TTN: variants seen among roughly 807,000 people sequenced by gnomAD.
The protein encoded by TTN is titin.
In TTN, 1,525 loss-of-function variants were observed where a neutral mutation model predicts 3,223.0. The ratio of observed to expected loss-of-function variants is 0.47; its 90% confidence interval spans 0.45 to 0.49. TTN has a LOEUF of 0.49. TTN is among the 20% of genes least tolerant of loss of function. The pLI is 0.00. For missense variants in TTN, 40,786 were observed against 43,424.0 expected, an observed-to-expected ratio of 0.94 and a Z score of 5.40; for synonymous variants, 14,094 against 15,161.0, an observed-to-expected ratio of 0.93 and a Z score of 5.17.
chr2:178,687,599 A>G (rs564552140), intron 127 of TTN, among the ~76,000 whole-genome samples: 1 of 152,304 alleles, frequency 6.6e-6, no homozygotes, highest in South Asian at 2.1e-4. Flanking sequence ...AAACATTTTA[A>G]GACATTATAG....
At chr2:178,647,174 C>G (rs1205019129) in intron 214 of TTN, 30 bp from the exon 215 acceptor site, 1 of 1,302,272 alleles carries the variant, frequency 7.7e-7, no homozygotes, top group East Asian at 2.6e-5. Flanking sequence ...TTATTTTAGA[C>G]TATATTTAGA....
rs2092854046 is a variant in TTN, at chr2:178,782,331, T to C, written c.3261A>G (p.Lys1087=). The part of the protein sequence containing the change: ...GEPAAPYFIT[K]PVVQKLVEGG... ...CTTCCACCAGTTTCTGGACCACTGG[T>C]TTTGTAATAAAGTAAGGCGCGGCAG... The change falls in exon 20 of 363, where the codon AAA becomes AAG. Residue 1087 remains lysine (K), a synonymous_variant. Coordinates refer to ENST00000589042, the MANE Select transcript of TTN (RefSeq NM_001267550.2). 1 of 1,613,930 alleles carries C rather than the reference T, an allele frequency of 6.2e-7. No individual in the cohort carries two copies. The highest frequency in any genetic ancestry group is 1.1e-5 in the South Asian group (1 of 91,074).
At chr2:178,702,431 T>C (rs777208227) in intron 107 of TTN, 23 bp downstream of exon 107, 4 of 1,613,192 alleles carry the variant, frequency 2.5e-6, no homozygotes, top group South Asian at 1.1e-5. Context: ...ATACATTCAC[T>C]GGAAAACTGT....
rs1178136076 is a variant in TTN at position 178,735,688 on chromosome 2, T to C, written c.14758A>G (p.Thr4920Ala). ...AGTTTTTGCCCATCTTTGCTCCACG[T>C]AACTGTGACTTTTCTGTCTTCATCT... ...QVDEDRKVTVTWSKDGQKLPP... is the reference protein window; with the variant it reads ...QVDEDRKVTVAWSKDGQKLPP... The change falls in exon 50 of 363, where the codon ACG becomes GCG. Residue 4920 changes from threonine to alanine, a missense_variant. Physicochemically the swap from Thr to Ala is moderately conservative, Grantham distance 58. Transcript: ENST00000589042. The C allele has an allele frequency of 6.2e-7, 1 of 1,613,854 alleles. No individual in the cohort carries two copies. The highest frequency in any genetic ancestry group is 1.7e-5 in the Admixed American group (1 of 60,004).
Position 178,672,260 on chromosome 2 carries a change from A to C in TTN, c.34938T>G (p.Thr11646=), listed in dbSNP as rs1369494689. The stretch of plus-strand genomic sequence containing the variant: ...CAACTGATACTTTTTCTTCAAGGAC[A>C]GTTCTCCCTGAAAGAGCATCTATTT... ...KEAVPPAKGR[T]VLEEKVSVAF... is the part of the protein sequence containing the mutation. The change falls in exon 155 of 363, where the codon ACT becomes ACG. Residue 11646 remains threonine, a synonymous_variant. Coordinates refer to ENST00000589042, the MANE Select transcript of TTN (RefSeq NM_001267550.2). 1 of 1,581,088 alleles carries C rather than the reference A, an allele frequency of 6.3e-7. No individual in the cohort carries two copies. Among genetic ancestry groups the C allele is most frequent in the East Asian group, 2.4e-5 (1 of 41,764 alleles).
chr2:178,564,356 T>G lies in TTN; in HGVS notation c.81776A>C (p.Asp27259Ala). 6.2e-7 allele frequency: 1 copy of G among 1,613,724 alleles called. No individual in the cohort carries two copies. The highest frequency in any genetic ancestry group is 8.5e-7 in the Non-Finnish European group (1 of 1,179,758). ...NAAGNFSEPS[D>A]SSGAITARDE... ...TCTTGCAGTAATGGCACCACTACTA[T>G]CAGATGGTTCACTAAAGTTTCCAGC... Residue 27259 changes from aspartate to alanine, a missense_variant, in exon 326 of 363, where the codon GAT becomes GCT. Transcript: ENST00000589042.
Position 178,711,277 on chromosome 2 carries a change from A to G in TTN, c.27959T>C (p.Phe9320Ser), listed in dbSNP as rs765897810. 4 of 1,613,548 alleles carry G rather than the reference A, an allele frequency of 2.5e-6. No individual in the cohort carries two copies. The highest frequency in any genetic ancestry group is 3.4e-6 in the Non-Finnish European group (4 of 1,179,730). ...VQETVGLPVV[F>S]DCAISGSEPI... ...TTCTGATCCACTTATGGCACAATCA[A>G]AAACAACTGGCAGTCCAACTGTTTC... Residue 9320 changes from phenylalanine (F) to serine (S), a missense_variant, in exon 97 of 363, where the codon TTT becomes TCT. By Grantham distance (155) the Phe-to-Ser change is radical. Transcript: ENST00000589042.
chr2:178,720,190 C>T lies in TTN; in HGVS notation c.23452G>A (p.Val7818Met), dbSNP rs748019401. 1 of 1,613,758 alleles carries T rather than the reference C, an allele frequency of 6.2e-7. No homozygotes were observed. The highest frequency in any genetic ancestry group is 8.5e-7 in the Non-Finnish European group (1 of 1,179,728). The change falls in exon 81 of 363, where the codon GTG becomes ATG. Residue 7818 changes from valine to methionine, a missense_variant. Physicochemically the swap from Val to Met is conservative, Grantham distance 21. Coordinates refer to ENST00000589042, the MANE Select transcript of TTN (RefSeq NM_001267550.2). The part of the protein sequence containing the change: ...IGDAVELRAI[V>M]EGFQPISVVW... ...ACAGAAATTGGCTGGAAGCCCTCCA[C>T]TATGGCCCGTAACTCAACAGCATCC...
chr2:178,780,996 CAA>C (rs2092714566), intron 21 of TTN, 123 bp downstream of exon 21: 1 of 1,306,284 alleles, frequency 7.7e-7, no homozygotes, highest in Non-Finnish European at 1.1e-6. Context: ...ACAACTGAGG[CAA>C]AGACACTGGG....
rs575813993 is a variant in TTN, at chr2:178,633,975, A to C, written c.42524T>G (p.Phe14175Cys). 90 of 1,613,372 alleles carry C rather than the reference A, an allele frequency of 5.6e-5. No individual in the cohort carries two copies. The highest frequency in any genetic ancestry group is 3.3e-4 in the Middle Eastern group (2 of 6,056). Residue 14175 changes from phenylalanine to cysteine, a missense_variant, in exon 231 of 363, where the codon TTC becomes TGC. By Grantham distance (205) the Phe-to-Cys change is radical (BLOSUM62 -2). Transcript: ENST00000589042. ...TGTATGGAGTTTGGCATCATTTTTG[A>C]ACCAGACTACATGCATTTTTTCATG... Reference protein sequence around the residue: ...LSHEKMHVVWFKNDAKLHTSR... With the variant: ...LSHEKMHVVWCKNDAKLHTSR...
rs368154192 is a variant in TTN at position 178,681,757 on chromosome 2, G to A, written c.33095-19C>T. On this transcript the variant is annotated intron_variant, in intron 135 of 362. Transcript: ENST00000589042. ...TCTGGTTCTTTAAAAGTACATACAA[G>A]GTATTTCATGTTAGACTTAGAATAT... 1.9e-6 allele frequency: 3 copies of A among 1,551,470 alleles called. No individual in the cohort carries two copies. The highest frequency in any genetic ancestry group is 2.1e-5 in the Admixed American group (1 of 46,552).
rs139001573 is a variant in TTN, at chr2:178,781,905, A to AGTGTGT, written c.3380+301_3380+306dup. 2.8e-3 allele frequency among the ~76,000 whole-genome samples: 424 copies of AGTGTGT among 149,840 alleles called. 2 individuals carry two copies. Among genetic ancestry groups the AGTGTGT allele is most frequent in the East Asian group, 0.021 (108 of 5,104 alleles). On this transcript the variant is annotated intron_variant, in intron 20 of 362. Coordinates refer to ENST00000589042, the MANE Select transcript of TTN (RefSeq NM_001267550.2). ...AAAATTGTCTCAAATCTTTTCTGGA[A>AGTGTGT]GTGTGTGTGTGTGTGTGTGTGTGTG...
chr2:178,534,105 C>G lies in TTN; in HGVS notation c.102510G>C (p.Trp34170Cys), dbSNP rs1559033550. ...ENYDQSTQVT[W>C]YFGVRQLENS... Reference sequence around the variant, plus strand: ...TCTCCAGCTGTCGGACGCCAAAGTACCAAGTCACTTGGGTAGACTGATCAT... The same window carrying G: ...TCTCCAGCTGTCGGACGCCAAAGTAGCAAGTCACTTGGGTAGACTGATCAT... Residue 34170 changes from tryptophan to cysteine, a missense_variant, in exon 358 of 363, where the codon TGG becomes TGC. Trp to Cys is a radical substitution (Grantham distance 215). Coordinates refer to ENST00000589042, the MANE Select transcript of TTN (RefSeq NM_001267550.2). 2 of 1,613,936 alleles carry G rather than the reference C, an allele frequency of 1.2e-6. No homozygotes were observed.
intron 348 of TTN, 23 bp downstream of exon 348, chr2:178,542,639 G>C: frequency 6.2e-7 from 1 of 1,603,464 alleles, no homozygotes; most frequent in Admixed American, 1.7e-5. Flanking sequence ...CAACTTGCTT[G>C]TATCTTTGTC....
chr2:178,637,501 T>G (rs1195242548), intron 223 of TTN, 82 bp from the exon 224 acceptor site: 1 of 752,372 alleles, frequency 1.3e-6, no homozygotes, highest in African/African-American at 1.8e-5. Context: ...GGGTGAGTCA[T>G]GCTCCATTAT....
intron 223 of TTN, among the ~76,000 whole-genome samples, chr2:178,638,167 A>G (rs1222321823): frequency 6.6e-6 from 1 of 151,970 alleles, no homozygotes; most frequent in African/African-American, 2.4e-5. Flanking sequence ...TTAAAAGAAT[A>G]TGCCCAAATC....
Position 178,768,840 on chromosome 2 carries a change from T to C in TTN, c.8996A>G (p.Tyr2999Cys). ...EVTVNYEGIS[Y>C]KWLKNGVEIK... ...TTCCACACCATTCTTTAACCATTTG[T>C]AAGAGATGCCTTCATAGTTCACTGT... Residue 2999 changes from tyrosine to cysteine, a missense_variant, in exon 38 of 363, where the codon TAC becomes TGC. Physicochemically the swap from Tyr to Cys is radical, Grantham distance 194 (BLOSUM62 -2). Coordinates refer to ENST00000589042, the MANE Select transcript of TTN (RefSeq NM_001267550.2). The C allele has an allele frequency of 6.2e-7, 1 of 1,614,092 alleles. No individual in the cohort carries two copies. The highest frequency in any genetic ancestry group is 1.1e-5 in the South Asian group (1 of 91,084).
In TTN at chr2:178,570,543, C is replaced by T. The variant is rs559521606; in HGVS notation, c.75589G>A (p.Val25197Met). Reference protein sequence around the residue: ...KNVAGERSVTVNVKVLDRPGP... With the variant: ...KNVAGERSVTMNVKVLDRPGP... Reference sequence around the variant, plus strand: ...GGTCTGTCAAGAACCTTGACATTCACAGTAACTGATCTTTCTCCTGCAACA... The same window carrying T: ...GGTCTGTCAAGAACCTTGACATTCATAGTAACTGATCTTTCTCCTGCAACA... Residue 25197 changes from valine (V) to methionine (M), a missense_variant, in exon 326 of 363, where the codon GTG becomes ATG. Coordinates refer to ENST00000589042, the MANE Select transcript of TTN (RefSeq NM_001267550.2). 3.7e-6 allele frequency: 6 copies of T among 1,613,286 alleles called. No homozygotes were observed. The highest frequency in any genetic ancestry group is 2.2e-5 in the South Asian group (2 of 91,058).
Position 178,546,315 on chromosome 2 carries a change from A to G in TTN, c.95016T>C (p.Thr31672=), listed in dbSNP as rs367549998. ...TTCTGTCACAGAACTTGATCACAGC[A>G]GTTGCTCGTTTGCCAGTATACTGCA... ...VSLQYTGKRA[T]AVIKFCDRSD... The change falls in exon 342 of 363, where the codon ACT becomes ACC. Residue 31672 remains threonine, a synonymous_variant. Transcript: ENST00000589042. 66 of 1,613,746 alleles carry G rather than the reference A, an allele frequency of 4.1e-5. No individual in the cohort carries two copies. In the African/African-American group the frequency reaches 5.5e-4, roughly 13 times the overall value.
Sources: allele counts gnomAD v4.1 joint callset (sites outside exome capture counted in the v4.1 genomes callset), GRCh38; gene constraint gnomAD v4.1.1; transcripts MANE v1.5; gene names NCBI Gene and HGNC (gene_info 2026-07-23, HGNC 2026-07-21).